Variants in SCAP observed in about 807,000 individuals in gnomAD.
SCAP encodes the protein SREBF chaperone, also known as sterol regulatory element-binding protein cleavage-activating protein.
Under a neutral mutation model 123.6 loss-of-function variants are expected in SCAP, and 65 were observed. The ratio of observed to expected loss-of-function variants is 0.53; its 90% CI spans 0.43 to 0.65. The LOEUF (loss-of-function observed/expected upper bound fraction) is 0.65, where lower values mean the gene tolerates loss of function less well. Among genes scored for constraint, SCAP ranks in the 30% least tolerant of loss-of-function variants. The pLI is 0.00. For missense variants in SCAP, 1,398 were observed against 1,712.5 expected, an observed-to-expected ratio of 0.82 and a Z score of 3.24; for synonymous variants, 740 against 726.3, an observed-to-expected ratio of 1.02 and a Z score of -0.30.
chr3:47,435,676 G>A (rs1013457779), intron 2 of SCAP, among the ~76,000 whole-genome samples: 1 of 151,948 alleles, frequency 6.6e-6, no homozygotes, highest in African/African-American at 2.4e-5. Flanking sequence ...GTAAGCAACC[G>A]TGCCTGGCTA....
At chr3:47,466,145 A>AG in intron 1 of SCAP, among the ~76,000 whole-genome samples, 1 of 151,502 alleles carries the variant, frequency 6.6e-6, no homozygotes, top group Non-Finnish European at 1.5e-5. Context: ...CCAAAAAAAA[A>AG]AAAAAAAAAA....
rs761681586 is a variant in SCAP at position 47,418,446 on chromosome 3, G to A, written c.2206C>T (p.Arg736Cys). The A allele has an allele frequency of 1.4e-5, 22 of 1,594,348 alleles. No individual in the cohort carries two copies. In the East Asian group the frequency reaches 1.8e-4, roughly 13 times the overall value. The stretch of plus-strand genomic sequence containing the variant: ...CCACCACCCAGCTGCCCGTAGTTGC[G>A]CGGGCATAGCACGCGGTAGAGGCAG... ...LLCLYRVLCPRNYGQLGGGPG... is the reference protein window; with the variant it reads ...LLCLYRVLCPCNYGQLGGGPG... The change falls in exon 15 of 23, where the codon CGC becomes TGC. Residue 736 changes from arginine (R) to cysteine (C), a missense_variant. By Grantham distance (180) the Arg-to-Cys change is radical (BLOSUM62 -3). Coordinates refer to ENST00000265565, the MANE Select transcript of SCAP (RefSeq NM_012235.4).
chr3:47,444,448 A>G (rs1024665503), intron 1 of SCAP, among the ~76,000 whole-genome samples: 1 of 152,228 alleles, frequency 6.6e-6, no homozygotes, highest in South Asian at 2.1e-4. Flanking sequence ...AGAAGCGTTA[A>G]GCGCACATGC....
intron 1 of SCAP, among the ~76,000 whole-genome samples, chr3:47,470,192 C>T (rs2108028905): frequency 6.6e-6 from 1 of 152,178 alleles, no homozygotes; most frequent in East Asian, 1.9e-4. Flanking sequence ...TGTTTTTTAC[C>T]CCATTACCAG....
intron 3 of SCAP, among the ~76,000 whole-genome samples, chr3:47,433,141 T>C (rs868007760): frequency 2.6e-5 from 4 of 152,334 alleles, no homozygotes; most frequent in Middle Eastern, 3.4e-3. Flanking sequence ...CTGAGTTATA[T>C]GAACCAAAAA....
At chr3:47,455,517 C>T (rs139512391) in intron 1 of SCAP, among the ~76,000 whole-genome samples, 7,036 of 150,214 alleles carry the variant, frequency 0.047, 286 homozygotes, top group South Asian at 0.1. Flanking sequence ...ATCACTTGAA[C>T]CTGGGAGGTG....
intron 4 of SCAP, among the ~76,000 whole-genome samples, chr3:47,428,173 T>G (rs1706219061): frequency 6.6e-6 from 1 of 152,126 alleles, no homozygotes; most frequent in Admixed American, 6.5e-5. Context: ...CAGGTAGAGC[T>G]TGCTTCTCGT....
intron 3 of SCAP, among the ~76,000 whole-genome samples, chr3:47,434,444 T>A (rs1199899168): frequency 6.6e-6 from 1 of 152,182 alleles, no homozygotes; most frequent in East Asian, 1.9e-4. Flanking sequence ...CTGAAGACCT[T>A]TTTTCTCATT....
At chr3:47,476,747 C>T (rs1459924592), upstream of SCAP, among the ~76,000 whole-genome samples, 2 of 152,100 alleles carry the variant, frequency 1.3e-5, no homozygotes, top group Admixed American at 6.5e-5. Flanking sequence ...GGGGAGGCTG[C>T]CTCCCCTCGA....
At chr3:47,440,634 G>C (rs928304805) in intron 2 of SCAP, among the ~76,000 whole-genome samples, 14 of 152,230 alleles carry the variant, frequency 9.2e-5, no homozygotes, top group African/African-American at 3.4e-4. Context: ...ACTTTGGGAA[G>C]CCAAGGCGAG....
At chr3:47,473,292 G>A (rs370325588) in intron 1 of SCAP, among the ~76,000 whole-genome samples, 40 of 152,134 alleles carry the variant, frequency 2.6e-4, no homozygotes, top group African/African-American at 9.2e-4. Flanking sequence ...AAAACTAAGT[G>A]AGATAAGCTA....
rs552414049 is a variant in SCAP, at chr3:47,459,419, TA to T, written c.-98-16329del. 2.0e-5 allele frequency among the ~76,000 whole-genome samples: 3 copies of T among 152,300 alleles called. No individual in the cohort carries two copies. In the South Asian group the frequency reaches 6.2e-4, roughly 32 times the overall value. On this transcript the variant is annotated intron_variant, in intron 1 of 22. Transcript: ENST00000265565. ...TCTCGTTGCGTTACTACTTCAATAT[TA>T]GGGGAACCCACCCCCAATATTTCAA...
intron 1 of SCAP, among the ~76,000 whole-genome samples, chr3:47,463,977 A>C (rs1157370588): frequency 6.6e-6 from 1 of 152,062 alleles, no homozygotes; most frequent in Non-Finnish European, 1.5e-5. Flanking sequence ...GACTACAGGC[A>C]TGAGCCACCA....
intron 1 of SCAP, among the ~76,000 whole-genome samples, chr3:47,446,334 C>G (rs573937602): frequency 6.6e-6 from 1 of 151,976 alleles, no homozygotes; most frequent in Non-Finnish European, 1.5e-5. Context: ...CCACCACACC[C>G]GGCTAATTTT....
Position 47,418,828 on chromosome 3 carries a change from C to A in SCAP, c.1956G>T (p.Leu652=). The part of the protein sequence containing the change: ...ITLAKRYISL[L]PVIPVTLRLN... ...GGCGGAGCGTGACTGGGATGACGGGCAGCAGGCTGATGTACCTGGATTCGG... is the reference window on the plus strand; with the variant it reads ...GGCGGAGCGTGACTGGGATGACGGGAAGCAGGCTGATGTACCTGGATTCGG... The change falls in exon 14 of 23, where the codon CTG becomes CTT. Residue 652 remains leucine (L), a synonymous_variant. Coordinates refer to ENST00000265565, the MANE Select transcript of SCAP (RefSeq NM_012235.4). The A allele has an allele frequency of 6.6e-7, 1 of 1,525,342 alleles. No homozygotes were observed. The highest frequency in any genetic ancestry group is 8.8e-7 in the Non-Finnish European group (1 of 1,139,754). The allele number at this position is 1,525,342 out of a possible 1,614,324, so 94.5% of individuals were successfully genotyped here. A position where few individuals can be genotyped will look rare whatever the true frequency, so the allele number is the denominator to read the frequency against.
intron 10 of SCAP, chr3:47,421,444 A>G (rs1000162307): frequency 5.8e-6 from 1 of 173,578 alleles, no homozygotes; most frequent in African/African-American, 2.4e-5. Flanking sequence ...GGGCTCTCAG[A>G]AAGGTTCCCA....
intron 22 of SCAP, 30 bp from the exon 23 acceptor site, chr3:47,414,129 C>T (rs2107737284): frequency 6.2e-7 from 1 of 1,613,546 alleles, no homozygotes; most frequent in Non-Finnish European, 8.5e-7. Context: ...AAGCTCAGTC[C>T]TGAGTCCTTC....
rs563807434 is a variant in SCAP, at chr3:47,447,418, G to A, written c.-98-4327C>T. Reference sequence around the variant, plus strand: ...AAAAAAGGAGAAAAAGGCCAGGCGCGGTGGCTCACGCCTGTAATCCTAGAA... The same window carrying A: ...AAAAAAGGAGAAAAAGGCCAGGCGCAGTGGCTCACGCCTGTAATCCTAGAA... On this transcript the variant is annotated intron_variant, in intron 1 of 22. Coordinates refer to ENST00000265565, the MANE Select transcript of SCAP (RefSeq NM_012235.4). Among the ~76,000 whole-genome samples the A allele has an allele frequency of 5.3e-5, 8 of 151,460 alleles. No individual in the cohort carries two copies. The South Asian group carries it at 6.3e-4, about 12-fold the overall frequency.
chr3:47,452,627 G>A (rs138431688), intron 1 of SCAP, among the ~76,000 whole-genome samples: 2 of 152,246 alleles, frequency 1.3e-5, no homozygotes, highest in East Asian at 3.9e-4. Context: ...CCCAGACCTG[G>A]TGAATCAGAA....
Sources: gnomAD v4.1 joint callset for allele counts (sites outside exome capture counted in the v4.1 genomes callset) on GRCh38, gnomAD v4.1.1 for gene constraint, MANE v1.5 for transcripts, NCBI Gene and HGNC (gene_info 2026-07-23, HGNC 2026-07-21) for gene names.